Variants in CCDC171 observed in about 807,000 individuals in gnomAD.
CCDC171 encodes the protein coiled-coil domain containing 171.
In CCDC171, 177 loss-of-function variants were observed where a neutral mutation model predicts 168.2. The ratio of observed to expected loss-of-function variants is 1.05; its 90% CI spans 0.93 to 1.19. CCDC171 has a LOEUF of 1.19. Ranked by LOEUF, CCDC171 falls within the 50% of genes most tolerant of loss-of-function variation. The probability of loss-of-function intolerance (pLI) is 0.00; values close to 1 mark genes in which losing one functional copy is unlikely to be tolerated. For synonymous variants in CCDC171, 687 were observed against 540.8 expected, an observed-to-expected ratio of 1.27 and a Z score of -3.75; for missense variants, 1,991 against 1,539.0, an observed-to-expected ratio of 1.29 and a Z score of -4.91.
At chr9:15,565,064 T>G (rs1303144238) in intron 2 of CCDC171, among the ~76,000 whole-genome samples, 1 of 150,742 alleles carries the variant, frequency 6.6e-6, no homozygotes, top group African/African-American at 2.4e-5. Flanking sequence ...TCCACTTAGC[T>G]TTTGAAGCTA....
chr9:15,570,115 A>G (rs592452), intron 2 of CCDC171, among the ~76,000 whole-genome samples: 9,369 of 152,040 alleles, frequency 0.062, 371 homozygotes, highest in African/African-American at 0.11. Flanking sequence ...GATTACAAGC[A>G]TGAGCCACCA....
intron 9 of CCDC171, among the ~76,000 whole-genome samples, chr9:15,676,255 A>C (rs1435191702): frequency 1.3e-5 from 2 of 152,076 alleles, no homozygotes; most frequent in Non-Finnish European, 2.9e-5. Context: ...TACACTGCTT[A>C]TTCTATTTAG....
intron 6 of CCDC171, among the ~76,000 whole-genome samples, chr9:15,600,972 A>T (rs1037631044): frequency 6.6e-6 from 1 of 152,124 alleles, no homozygotes; most frequent in African/African-American, 2.4e-5. Context: ...GCCGTTTGCT[A>T]AGACTGTTGG....
chr9:15,584,018 C>CAA (rs1199272808), intron 4 of CCDC171, among the ~76,000 whole-genome samples: 1 of 152,094 alleles, frequency 6.6e-6, no homozygotes, highest in Non-Finnish European at 1.5e-5. Context: ...AGGTGCCCAC[C>CAA]ACCACGCCCG....
At chr9:15,944,190 A>T (rs1828035769) in intron 25 of CCDC171, among the ~76,000 whole-genome samples, 1 of 152,012 alleles carries the variant, frequency 6.6e-6, no homozygotes, top group Non-Finnish European at 1.5e-5. Context: ...TCTCAGCATC[A>T]TCTAGTTATT....
intron 18 of CCDC171, chr9:15,776,319 T>A (rs2057326150): frequency 1.3e-5 from 2 of 152,188 alleles, no homozygotes; most frequent in African/African-American, 4.8e-5. Context: ...AATATGATTG[T>A]TAACAAAAGG....
At chr9:15,800,422 G>A (rs945916323) in intron 21 of CCDC171, among the ~76,000 whole-genome samples, 3 of 151,982 alleles carry the variant, frequency 2.0e-5, no homozygotes, top group African/African-American at 4.8e-5. Context: ...TTTAAAAAAT[G>A]TCAATTTAAT....
intron 21 of CCDC171, among the ~76,000 whole-genome samples, chr9:15,838,073 A>G (rs1359271363): frequency 6.6e-6 from 1 of 152,204 alleles, no homozygotes; most frequent in African/African-American, 2.4e-5. Context: ...TGTAGGGTTT[A>G]TGGCTCTCTA....
chr9:15,717,319 C>G (rs537598200), intron 11 of CCDC171, among the ~76,000 whole-genome samples: 14 of 152,254 alleles, frequency 9.2e-5, no homozygotes, highest in African/African-American at 2.4e-4. Flanking sequence ...ATTGTCCATC[C>G]TAGCATTTGG....
intron 23 of CCDC171, among the ~76,000 whole-genome samples, chr9:15,871,938 C>A (rs1047968594): frequency 2.6e-5 from 4 of 151,956 alleles, no homozygotes; most frequent in East Asian, 1.9e-4. Flanking sequence ...ATGGATAATT[C>A]TTTTACAAGA....
intron 17 of CCDC171, among the ~76,000 whole-genome samples, chr9:15,745,101 CCT>C (rs1301742075): frequency 1.3e-5 from 2 of 151,980 alleles, no homozygotes. Context: ...CAAAAACTGC[CCT>C]GTTTCAAATT....
rs1564160074 is a variant in CCDC171, at chr9:15,661,296, A to AAAAAAAC, written c.915+4081_915+4082insAACAAAA. Among the ~76,000 whole-genome samples, 7 of 141,540 alleles carry AAAAAAAC rather than the reference A, an allele frequency of 4.9e-5. 1 individual carries two copies. The highest frequency in any genetic ancestry group is 5.4e-5 in the African/African-American group (2 of 37,238). The allele number at this position is 141,540 out of a possible 152,430, so 92.9% of individuals were successfully genotyped here. A position where few individuals can be genotyped will look rare whatever the true frequency, so the allele number is the denominator to read the frequency against. On this transcript the variant is annotated intron_variant, in intron 8 of 25. Transcript: ENST00000380701. ...CTCCGTCTCAAAAAAAAAAAAAAAA[A>AAAAAAAC]AAAAGTAACATGCTGTTTTTTGACT...
chr9:15,794,677 T>G (rs768685063), intron 21 of CCDC171, among the ~76,000 whole-genome samples: 8 of 152,120 alleles, frequency 5.3e-5, no homozygotes, highest in Non-Finnish European at 1.2e-4. Flanking sequence ...TTATAAAAAA[T>G]AAAACCAAAG....
At chr9:15,582,646 G>T (rs1361850536) in intron 4 of CCDC171, among the ~76,000 whole-genome samples, 1 of 152,126 alleles carries the variant, frequency 6.6e-6, no homozygotes, top group Non-Finnish European at 1.5e-5. Context: ...CATGCATGAA[G>T]CTGGAAACCA....
intron 25 of CCDC171, among the ~76,000 whole-genome samples, chr9:15,966,317 G>A (rs1240355338): frequency 6.6e-6 from 1 of 152,168 alleles, no homozygotes; most frequent in African/African-American, 2.4e-5. Flanking sequence ...AGACTGGAGG[G>A]TGATGTGAAC....
downstream of CCDC171, among the ~76,000 whole-genome samples, chr9:15,977,921 T>G (rs1047772219): frequency 6.6e-6 from 1 of 152,210 alleles, no homozygotes; most frequent in Non-Finnish European, 1.5e-5. Context: ...GGATGCCTAG[T>G]AAAAAGAACT....
At position 15,641,527 on chromosome 9, in the gene CCDC171, C is replaced by T. The variant is rs149443695; in HGVS notation, c.823-15600C>T. On this transcript the variant is annotated intron_variant, in intron 7 of 25. Transcript: ENST00000380701. ...ATGGAAACCATAGAACCAAATGTGA[C>T]GTGGAGAACATCTGGGTATGTTTGG... 5.0e-3 allele frequency among the ~76,000 whole-genome samples: 755 copies of T among 152,168 alleles called. 8 individuals carry two copies. The highest frequency in any genetic ancestry group is 0.017 in the African/African-American group (719 of 41,518).
intron 24 of CCDC171, among the ~76,000 whole-genome samples, chr9:15,881,242 C>T (rs1818597316): frequency 6.6e-6 from 1 of 152,074 alleles, no homozygotes; most frequent in Non-Finnish European, 1.5e-5. Flanking sequence ...GAGTAGAGCC[C>T]TAAGCAATGC....
intron 25 of CCDC171, among the ~76,000 whole-genome samples, chr9:15,938,538 C>G (rs1827356254): frequency 1.3e-5 from 2 of 151,836 alleles, no homozygotes; most frequent in Non-Finnish European, 2.9e-5. Flanking sequence ...GGATCTTTCT[C>G]TTTCCTTTTG....
Sources: allele counts gnomAD v4.1 joint callset (sites outside exome capture counted in the v4.1 genomes callset), GRCh38; gene constraint gnomAD v4.1.1; transcripts MANE v1.5; gene names NCBI Gene and HGNC (gene_info 2026-07-23, HGNC 2026-07-21).